Variants in MALRD1 observed in about 807,000 individuals in gnomAD.
MALRD1 encodes MAM and LDL-receptor class A domain-containing protein 1.
Under a neutral mutation model 242.1 loss-of-function variants are expected in MALRD1, and 247 were observed. The ratio of observed to expected loss-of-function variants is 1.02; its 90% CI spans 0.92 to 1.13. The LOEUF (loss-of-function observed/expected upper bound fraction) is 1.13. Among genes scored for constraint, MALRD1 ranks in the 50% most tolerant of loss-of-function variants. The pLI, the probability that MALRD1 is intolerant of heterozygous loss-of-function variation, is 0.00. For missense variants in MALRD1, 2,989 were observed against 2,533.1 expected, an observed-to-expected ratio of 1.18 and a Z score of -3.86; for synonymous variants, 995 against 866.6, an observed-to-expected ratio of 1.15 and a Z score of -2.60.
At chr10:19,665,957 C>G (rs994010286) in intron 36 of MALRD1, among the ~76,000 whole-genome samples, 65 of 151,920 alleles carry the variant, frequency 4.3e-4, no homozygotes, top group African/African-American at 1.6e-3. Context: ...TTCGCTGTGG[C>G]CCTCTCAGTG....
chr10:19,130,303 C>T (rs1833052588), intron 8 of MALRD1, among the ~76,000 whole-genome samples: 1 of 152,114 alleles, frequency 6.6e-6, no homozygotes, highest in Admixed American at 6.6e-5. Flanking sequence ...CTCAATATTT[C>T]AGTTGCTGTC....
At chr10:19,374,131 C>T (rs1306708885) in intron 26 of MALRD1, among the ~76,000 whole-genome samples, 1 of 152,128 alleles carries the variant, frequency 6.6e-6, no homozygotes, top group African/African-American at 2.4e-5. Flanking sequence ...TTAACGTTTT[C>T]AATGACTTAG....
At chr10:19,540,934 G>A (rs567095280) in intron 32 of MALRD1, among the ~76,000 whole-genome samples, 248 of 152,264 alleles carry the variant, frequency 1.6e-3, no homozygotes, top group African/African-American at 5.6e-3. Flanking sequence ...GGGCAACATG[G>A]CAAGACCTTG....
chr10:19,536,354 T>TC (rs1330479472), intron 32 of MALRD1, among the ~76,000 whole-genome samples: 2 of 151,534 alleles, frequency 1.3e-5, no homozygotes, highest in Admixed American at 6.6e-5. Flanking sequence ...TCTTTTCTTT[T>TC]TTTTTTTTAA....
At chr10:19,058,704 G>A (rs1834736723) in intron 1 of MALRD1, among the ~76,000 whole-genome samples, 1 of 152,020 alleles carries the variant, frequency 6.6e-6, no homozygotes, top group Non-Finnish European at 1.5e-5. Flanking sequence ...ACAAAGGTAG[G>A]TAAAATTCTT....
intron 33 of MALRD1, among the ~76,000 whole-genome samples, chr10:19,571,826 C>T (rs983963670): frequency 3.3e-5 from 5 of 152,056 alleles, no homozygotes; most frequent in African/African-American, 4.8e-5. Context: ...TGAACCAAGG[C>T]GCCTGAATTA....
intron 29 of MALRD1, among the ~76,000 whole-genome samples, chr10:19,486,427 A>G (rs1345212080): frequency 6.6e-6 from 1 of 152,114 alleles, no homozygotes; most frequent in African/African-American, 2.4e-5. Flanking sequence ...TTCCTGACTC[A>G]CTGTATTCCA....
intron 36 of MALRD1, among the ~76,000 whole-genome samples, chr10:19,624,121 A>G (rs542838074): frequency 2.0e-5 from 3 of 151,964 alleles, no homozygotes; most frequent in Non-Finnish European, 4.4e-5. Context: ...ACAAAACTAC[A>G]TATTCATTCA....
intron 28 of MALRD1, among the ~76,000 whole-genome samples, chr10:19,416,860 GC>G (rs1442134686): frequency 6.6e-6 from 1 of 152,102 alleles, no homozygotes; most frequent in Admixed American, 6.6e-5. Context: ...TGCCATTCTT[GC>G]TCTTTCTTCT....
At chr10:19,633,554 A>G (rs899348096) in intron 36 of MALRD1, 1 of 152,114 alleles carries the variant, frequency 6.6e-6, no homozygotes, top group African/African-American at 2.4e-5. Context: ...TATCCTACCC[A>G]TATTAGTAAT....
intron 14 of MALRD1, among the ~76,000 whole-genome samples, chr10:19,190,274 TAAA>T (rs200154791): frequency 1.3e-5 from 2 of 151,884 alleles, no homozygotes; most frequent in African/African-American, 4.8e-5. Flanking sequence ...CAATAAAAAA[TAAA>T]AAACATTTCT....
At chr10:19,283,291 T>C in intron 21 of MALRD1, 110 bp downstream of exon 21, 1 of 932,728 alleles carries the variant, frequency 1.1e-6, no homozygotes, top group South Asian at 5.0e-5. Context: ...TAAAGACAAA[T>C]GTTAAGTTGA....
At chr10:19,425,061 A>G (rs1390902394) in intron 28 of MALRD1, among the ~76,000 whole-genome samples, 1 of 152,132 alleles carries the variant, frequency 6.6e-6, no homozygotes, top group East Asian at 1.9e-4. Context: ...TTAAAATATG[A>G]TAGTTTTATA....
At chr10:19,694,457 C>A (rs1039642077) in intron 38 of MALRD1, among the ~76,000 whole-genome samples, 7 of 152,126 alleles carry the variant, frequency 4.6e-5, no homozygotes, top group Non-Finnish European at 1.0e-4. Context: ...ATGCAGCCAA[C>A]AGACACATGA....
At position 19,352,234 on chromosome 10, in the gene MALRD1, A is replaced by T. The variant is rs944264807; in HGVS notation, c.4378A>T (p.Thr1460Ser). Residue 1460 changes from threonine to serine, a missense_variant, in exon 26 of 40, where the codon ACA (threonine) becomes TCA (serine). Thr to Ser is a moderately conservative substitution (Grantham distance 58, BLOSUM62 1). Transcript: ENST00000454679. ...CATTGCACTTGATGACATTGTGCTT[A>T]CAGAAAATTGTCTATCACTCCATGA... The part of the protein sequence containing the change: ...GDIALDDIVL[T>S]ENCLSLHDSV... 13 of 1,550,322 alleles carry T rather than the reference A, an allele frequency of 8.4e-6. No homozygotes were observed. The East Asian group carries it at 2.4e-4, about 29-fold the overall frequency.
intron 20 of MALRD1, among the ~76,000 whole-genome samples, chr10:19,281,696 G>A (rs1840819273): frequency 6.6e-6 from 1 of 152,066 alleles, no homozygotes; most frequent in African/African-American, 2.4e-5. Context: ...ACATGGCCAG[G>A]TGCAGTGGCT....
intron 21 of MALRD1, among the ~76,000 whole-genome samples, chr10:19,296,844 A>G (rs1841726932): frequency 6.6e-6 from 1 of 151,978 alleles, no homozygotes; most frequent in South Asian, 2.1e-4. Context: ...ATTAGTTTGC[A>G]GTCTTTTATG....
chr10:19,511,961 T>C (rs1224451823), intron 31 of MALRD1, among the ~76,000 whole-genome samples: 2 of 152,104 alleles, frequency 1.3e-5, no homozygotes, highest in Non-Finnish European at 2.9e-5. Context: ...AGAAATCTCC[T>C]TGGTCAGTTT....
At position 19,670,317 on chromosome 10, in the gene MALRD1, C is replaced by T. The variant is rs1462965533; in HGVS notation, c.6138-21965C>T. On this transcript the variant is annotated intron_variant, in intron 36 of 39. Transcript: ENST00000454679. ...TCAAAGAATTCCCAAGTTGTTCCAT[C>T]AGCAAACCCATCAGCCAGCCTTCAC... Among the ~76,000 whole-genome samples the T allele has an allele frequency of 3.9e-5, 6 of 152,332 alleles. No homozygotes were observed. The South Asian group carries it at 1.2e-3, about 32-fold the overall frequency.
Sources: gnomAD v4.1 joint callset for allele counts (sites outside exome capture counted in the v4.1 genomes callset) on GRCh38, gnomAD v4.1.1 for gene constraint, MANE v1.5 for transcripts, NCBI Gene and HGNC (gene_info 2026-07-23, HGNC 2026-07-21) for gene names.